TMEM234: variants seen among roughly 807,000 people sequenced by gnomAD.
The protein encoded by TMEM234 is transmembrane protein 234, also known as chromosome 1 open reading frame 91.
In TMEM234, 21 loss-of-function variants were observed where a neutral mutation model predicts 17.8. The observed-to-expected ratio is 1.18, with a 90% CI of 0.84 to 1.70. The LOEUF (loss-of-function observed/expected upper bound fraction) is 1.70. Ranked by LOEUF, TMEM234 falls within the 40% of genes most tolerant of loss-of-function variation. TMEM234 has a pLI of 0.00. For synonymous variants in TMEM234, 83 were observed against 73.5 expected (o/e 1.13, Z -0.66); for missense variants, 137 against 166.9 (o/e 0.82, Z 0.99).
intron 3 of TMEM234, 143 bp downstream of exon 3, chr1:32,220,988 A>T (rs1470863242): frequency 1.5e-6 from 1 of 650,702 alleles, no homozygotes; most frequent in African/African-American, 1.8e-5. Flanking sequence ...TGTTCAGAGA[A>T]GAGGATAGTA....
chr1:32,217,134 A>G, intron 4 of TMEM234, 125 bp downstream of exon 4: 6 of 1,584,818 alleles, frequency 3.8e-6, no homozygotes, highest in Non-Finnish European at 5.2e-6. Flanking sequence ...GCTGCAGAGG[A>G]AAGGGCAGGA....
Position 32,217,361 on chromosome 1 carries a change from C to A in TMEM234, c.236-10G>T, listed in dbSNP as rs41311189. 135,775 of 1,601,138 alleles carry A rather than the reference C, an allele frequency of 0.085. 7,954 individuals carry two copies. The highest frequency in any genetic ancestry group is 0.23 in the South Asian group (20,723 of 90,154). On this transcript the variant is annotated splice_polypyrimidine_tract_variant and intron_variant, in intron 3 of 4. Transcript: ENST00000309777. ...ACAGCCAGGGTCAGATCTGGGTGGT[C>A]AGAATGAAAAGAATGCCTGAGATGC...
chr1:32,215,266 AG>A (rs1638282087), downstream of TMEM234: 5 of 606,484 alleles, frequency 8.2e-6, no homozygotes, highest in Non-Finnish European at 1.2e-5. Context: ...TGGGATATAG[AG>A]GGGATGGGGG....
chr1:32,215,067 A>G, downstream of TMEM234: 1 of 1,269,600 alleles, frequency 7.9e-7, no homozygotes, highest in Non-Finnish European at 1.1e-6. Context: ...AAAAAAAAAA[A>G]GATAAAGGAG....
In TMEM234 at chr1:32,216,322, C is replaced by CA. The variant is rs1375668968; in HGVS notation, c.*530dup. 14 of 1,527,286 alleles carry CA rather than the reference C, an allele frequency of 9.2e-6. No individual in the cohort carries two copies. The highest frequency in any genetic ancestry group is 1.1e-5 in the Non-Finnish European group (12 of 1,134,068). 94.6% of individuals were successfully genotyped at this position (1,527,286 alleles called of 1,614,324 possible). Reference sequence around the variant, plus strand: ...TGGCAGTGAGGATTTCTGCCTACCTCATGGGTGGGGCAGGCAAGGCTAATA... The same window carrying CA: ...TGGCAGTGAGGATTTCTGCCTACCTCAATGGGTGGGGCAGGCAAGGCTAATA... On this transcript the variant is annotated 3_prime_UTR_variant, in exon 5 of 5. Transcript: ENST00000309777.
rs752827323 is a variant in TMEM234 at position 32,217,328 on chromosome 1, A to G, written c.259T>C (p.Cys87Arg). The G allele has an allele frequency of 6.2e-7, 1 of 1,612,100 alleles. No homozygotes were observed. Among genetic ancestry groups the G allele is most frequent in the Non-Finnish European group, 8.5e-7 (1 of 1,178,344 alleles). ...GTGAAGATGATAGCCAGAGAGTTAC[A>G]GATGGGCACAGCCAGGGTCAGATCT... ...STDLTLAVPI[C>R]NSLAIIFTLI... is the part of the protein sequence containing the mutation. Residue 87 changes from cysteine (C) to arginine (R), a missense_variant, in exon 4 of 5, where the codon TGT becomes CGT. Cys to Arg is a radical substitution (Grantham distance 180, BLOSUM62 -3). Transcript: ENST00000309777.
chr1:32,217,489 C>T (rs1466921477), intron 3 of TMEM234, 138 bp from the exon 4 acceptor site: 1 of 1,535,198 alleles, frequency 6.5e-7, no homozygotes, highest in Non-Finnish European at 8.7e-7. Context: ...CAGCAAATCT[C>T]AGGACTCAAA....
At chr1:32,221,219 A>T (rs1388937628) in intron 2 of TMEM234, 22 bp from the exon 3 acceptor site, 1 of 1,598,824 alleles carries the variant, frequency 6.3e-7, no homozygotes, top group Admixed American at 1.7e-5. Context: ...AGAAACCTGC[A>T]GTCAGTGTGA....
intron 3 of TMEM234, chr1:32,217,606 G>T: frequency 1.3e-6 from 1 of 753,172 alleles, no homozygotes. Flanking sequence ...TGAGGTCTTT[G>T]CACTCAAAGA....
intron 2 of TMEM234, 66 bp downstream of exon 2, chr1:32,221,801 T>C (rs932735398): frequency 1.9e-6 from 3 of 1,599,088 alleles, no homozygotes; most frequent in African/African-American, 2.7e-5. Context: ...CCAGACCTGT[T>C]TGACTCCAAA....
chr1:32,221,268 G>T, intron 2 of TMEM234, 71 bp from the exon 3 acceptor site: 1 of 1,224,084 alleles, frequency 8.2e-7, no homozygotes, highest in Non-Finnish European at 1.2e-6. Context: ...TGAGCTCCTA[G>T]CGAATGTCTT....
intron 4 of TMEM234, 59 bp from the exon 5 acceptor site, chr1:32,217,006 T>A (rs374745137): frequency 8.7e-6 from 14 of 1,611,228 alleles, no homozygotes; most frequent in Admixed American, 1.7e-5. Context: ...TAGGAGCTGG[T>A]ACAGGGCTGG....
intron 3 of TMEM234, among the ~76,000 whole-genome samples, chr1:32,219,394 TTTG>T (rs1257661562): frequency 5.3e-5 from 8 of 152,122 alleles, no homozygotes; most frequent in South Asian, 2.1e-4. Flanking sequence ...GTTTTTCGTT[TTTG>T]TTGTTGTTGT....
At position 32,221,126 on chromosome 1, in the gene TMEM234, C is replaced by A. The variant is rs190355862; in HGVS notation, c.235+5G>T. ...TAAGCAGAACAGTTCCAAGCCAGGA[C>A]CCACCTGTCGATGCCAAGGTGAGGT... On this transcript the variant is annotated splice_donor_5th_base_variant and intron_variant, in intron 3 of 4. Transcript: ENST00000309777. 103 of 1,612,904 alleles carry A rather than the reference C, an allele frequency of 6.4e-5. No individual in the cohort carries two copies. In the African/African-American group the frequency reaches 1.1e-3, roughly 18 times the overall value.
chr1:32,215,485 C>G (rs775191406), downstream of TMEM234: 28 of 1,613,364 alleles, frequency 1.7e-5, no homozygotes, highest in Non-Finnish European at 2.3e-5. Context: ...AAGGAGACAG[C>G]GGGGGCCCTG....
rs568684805 is a variant in TMEM234, at chr1:32,222,163, G to T, written c.16+144C>A. 4.7e-6 allele frequency: 7 copies of T among 1,500,556 alleles called. No homozygotes were observed. In the East Asian group the frequency reaches 1.6e-4, roughly 34 times the overall value. 93.0% of individuals were successfully genotyped at this position (1,500,556 alleles called of 1,614,324 possible). On this transcript the variant is annotated intron_variant, in intron 1 of 4. Coordinates refer to ENST00000309777, the MANE Select transcript of TMEM234 (RefSeq NM_019118.5). ...CGGCTGCGACTGGCGGCTAAGGCAG[G>T]CCCAGGGAAGCTAGGGAGATGAATC...
At chr1:32,217,585 GATA>G in intron 3 of TMEM234, 1 of 899,028 alleles carries the variant, frequency 1.1e-6, no homozygotes, top group Middle Eastern at 2.1e-4. Flanking sequence ...AGCCTGGTTT[GATA>G]ATGAGAATGA....
rs1638949397 is a variant in TMEM234, at chr1:32,221,896, C to T, written c.139G>A (p.Glu47Lys). ...EPTWAQQLLQEMKTLFLNTEY... is the reference protein window; with the variant it reads ...EPTWAQQLLQKMKTLFLNTEY... ...GTATTCAAGAAGAGGGTCTTCATCT[C>T]CTGTAGCAACTGCTGGGCCCAGGTC... Residue 47 changes from glutamate (E) to lysine (K), a missense_variant, in exon 2 of 5, where the codon GAG (glutamate) becomes AAG (lysine). By Grantham distance (56) the Glu-to-Lys change is moderately conservative. Coordinates refer to ENST00000309777, the MANE Select transcript of TMEM234 (RefSeq NM_019118.5). 1 of 1,613,338 alleles carries T rather than the reference C, an allele frequency of 6.2e-7. No homozygotes were observed. Among genetic ancestry groups the T allele is most frequent in the East Asian group, 2.2e-5 (1 of 44,874 alleles).
At chr1:32,220,178 T>C (rs1227921063) in intron 3 of TMEM234, among the ~76,000 whole-genome samples, 1 of 152,234 alleles carries the variant, frequency 6.6e-6, no homozygotes, top group Admixed American at 6.5e-5. Flanking sequence ...ATATTATTTC[T>C]TTCTTTCTGT....
Sources: gnomAD v4.1 joint callset for allele counts (sites outside exome capture counted in the v4.1 genomes callset) on GRCh38, gnomAD v4.1.1 for gene constraint, MANE v1.5 for transcripts, NCBI Gene and HGNC (gene_info 2026-07-23, HGNC 2026-07-21) for gene names.